MAGI2: variants seen among roughly 807,000 people sequenced by gnomAD.
The protein encoded by MAGI2 is membrane-associated guanylate kinase, WW and PDZ domain-containing protein 2.
A neutral mutation model predicts 133.3 loss-of-function variants in MAGI2; 35 were observed. The observed-to-expected ratio is 0.26, with a 90% CI of 0.20 to 0.35. The LOEUF is 0.35. Among genes scored for constraint, MAGI2 ranks in the 10% least tolerant of loss-of-function variants. The pLI is 1.00. For synonymous variants in MAGI2, 729 were observed against 710.6 expected (o/e 1.03, Z -0.41); for missense variants, 1,636 against 1,863.4 (o/e 0.88, Z 2.25).
rs192301785 is a variant in MAGI2, at chr7:78,017,358, T to C, written c.*1957A>G. 6.5e-6 allele frequency: 1 copy of C among 152,806 alleles called. No homozygotes were observed. The highest frequency in any genetic ancestry group is 1.5e-5 in the Non-Finnish European group (1 of 68,038). 9.5% of individuals were successfully genotyped at this position (152,806 alleles called of 1,614,324 possible). A position where few individuals can be genotyped will look rare whatever the true frequency, so the allele number is the denominator to read the frequency against. On this transcript the variant is annotated 3_prime_UTR_variant, in exon 22 of 22. Coordinates refer to ENST00000354212, the MANE Select transcript of MAGI2 (RefSeq NM_012301.4). ...CCGCATAAAGCAATTACTGCACAAG[T>C]AGTAGCTGTGAACTGTGCAAACTAG...
intron 1 of MAGI2, among the ~76,000 whole-genome samples, chr7:79,135,165 G>A (rs554558096): frequency 1.3e-5 from 2 of 152,216 alleles, no homozygotes; most frequent in East Asian, 3.9e-4. Flanking sequence ...GAAGGGAACA[G>A]GACTAAGAAT....
At chr7:79,273,401 T>G (rs531291837) in intron 1 of MAGI2, among the ~76,000 whole-genome samples, 2 of 152,132 alleles carry the variant, frequency 1.3e-5, no homozygotes, top group South Asian at 2.1e-4. Context: ...CCCAGAGACA[T>G]GTTTGTTCTT....
At chr7:78,573,035 GTATATATA>G (rs765938732) in intron 3 of MAGI2, among the ~76,000 whole-genome samples, 1,321 of 31,600 alleles carry the variant, frequency 0.042, 40 homozygotes, top group African/African-American at 0.058. Context: ...GCATATGTAT[GTATATATA>G]TATATATATA....
At chr7:78,292,514 TAA>T (rs1312969253) in intron 9 of MAGI2, among the ~76,000 whole-genome samples, 1 of 152,142 alleles carries the variant, frequency 6.6e-6, no homozygotes, top group African/African-American at 2.4e-5. Context: ...CTGCCCAAGG[TAA>T]CTTATAGATT....
intron 1 of MAGI2, among the ~76,000 whole-genome samples, chr7:79,091,521 C>T (rs1214127112): frequency 6.6e-6 from 1 of 152,066 alleles, no homozygotes; most frequent in African/African-American, 2.4e-5. Flanking sequence ...GTTGTGATAA[C>T]AGGAATTAGC....
At chr7:79,347,648 A>G (rs541254951) in intron 1 of MAGI2, among the ~76,000 whole-genome samples, 1 of 152,044 alleles carries the variant, frequency 6.6e-6, no homozygotes, top group Admixed American at 6.6e-5. Flanking sequence ...GCCATGTGGA[A>G]GAGCTGTTTT....
At chr7:79,040,555 C>T (rs142710067) in intron 1 of MAGI2, among the ~76,000 whole-genome samples, 242 of 152,192 alleles carry the variant, frequency 1.6e-3, no homozygotes, top group Non-Finnish European at 2.4e-3. Context: ...TAGTTTGGTT[C>T]TGTGTACCTA....
chr7:78,844,080 T>C (rs1439336562), intron 2 of MAGI2, among the ~76,000 whole-genome samples: 1 of 150,546 alleles, frequency 6.6e-6, no homozygotes, highest in African/African-American at 2.4e-5. Flanking sequence ...GCCTCTAATT[T>C]CAGAATTTTT....
At chr7:79,286,948 C>CA (rs1295168333) in intron 1 of MAGI2, among the ~76,000 whole-genome samples, 1 of 152,048 alleles carries the variant, frequency 6.6e-6, no homozygotes, top group Non-Finnish European at 1.5e-5. Context: ...ATCCATCATC[C>CA]AAATAACAGG....
intron 1 of MAGI2, among the ~76,000 whole-genome samples, chr7:79,173,151 T>G (rs951048474): frequency 2.0e-4 from 30 of 151,850 alleles, no homozygotes; most frequent in African/African-American, 7.0e-4. Flanking sequence ...TAGAAAACAT[T>G]TTATTCATAA....
At position 78,414,265 on chromosome 7, in the gene MAGI2, G is replaced by A. The variant is rs75187441; in HGVS notation, c.1046-45052C>T. Among the ~76,000 whole-genome samples the A allele has an allele frequency of 4.8e-3, 729 of 151,854 alleles. 4 individuals carry two copies. The highest frequency in any genetic ancestry group is 0.017 in the African/African-American group (703 of 41,470). On this transcript the variant is annotated intron_variant, in intron 6 of 21. Transcript: ENST00000354212. ...CATTGCACGAAATATTTAGTGGCATGGGGAAAAGAATAAGGTATAATATAG... is the reference window on the plus strand; with the variant it reads ...CATTGCACGAAATATTTAGTGGCATAGGGAAAAGAATAAGGTATAATATAG...
intron 1 of MAGI2, among the ~76,000 whole-genome samples, chr7:79,194,431 G>C (rs908916082): frequency 2.6e-5 from 4 of 151,880 alleles, no homozygotes; most frequent in African/African-American, 9.7e-5. Flanking sequence ...TTTTAGAACA[G>C]AGATGGCCAT....
chr7:78,897,728 G>C (rs920137052), intron 2 of MAGI2, among the ~76,000 whole-genome samples: 1 of 152,098 alleles, frequency 6.6e-6, no homozygotes, highest in African/African-American at 2.4e-5. Context: ...GTGCAGTATG[G>C]CTATTTTAAC....
At chr7:78,657,174 CAACAA>C (rs1396731857) in intron 2 of MAGI2, among the ~76,000 whole-genome samples, 6 of 152,110 alleles carry the variant, frequency 3.9e-5, no homozygotes, top group Non-Finnish European at 8.8e-5. Flanking sequence ...AGAACACAGA[CAACAA>C]ATGCTGCAAG....
At chr7:79,320,706 C>T (rs1021907706) in intron 1 of MAGI2, among the ~76,000 whole-genome samples, 4 of 151,958 alleles carry the variant, frequency 2.6e-5, no homozygotes, top group African/African-American at 2.4e-5. Flanking sequence ...GGATCTATTG[C>T]TTTATTTATT....
At chr7:78,712,339 A>G (rs896743872) in intron 2 of MAGI2, among the ~76,000 whole-genome samples, 2 of 152,214 alleles carry the variant, frequency 1.3e-5, no homozygotes, top group Non-Finnish European at 2.9e-5. Flanking sequence ...GGGTGTCTTC[A>G]GAAGCTATTT....
intron 2 of MAGI2, among the ~76,000 whole-genome samples, chr7:78,843,910 G>C (rs533338533): frequency 6.7e-6 from 1 of 149,994 alleles, no homozygotes; most frequent in Admixed American, 6.7e-5. Flanking sequence ...TTTTGAGGCA[G>C]CTTTCCTTAC....
intron 17 of MAGI2, 120 bp from the exon 18 acceptor site, chr7:78,133,180 T>C: frequency 1.3e-6 from 1 of 751,318 alleles, no homozygotes; most frequent in East Asian, 2.7e-5. Context: ...TTTCCGTTTC[T>C]GCTAGGTTTT....
chr7:78,571,048 T>C (rs555697295), intron 3 of MAGI2, among the ~76,000 whole-genome samples: 2 of 152,300 alleles, frequency 1.3e-5, no homozygotes, highest in South Asian at 2.1e-4. Flanking sequence ...TATTCATCTA[T>C]AGGCTGGCTT....
Sources: gnomAD v4.1 joint callset for allele counts (sites outside exome capture counted in the v4.1 genomes callset) on GRCh38, gnomAD v4.1.1 for gene constraint, MANE v1.5 for transcripts, NCBI Gene and HGNC (gene_info 2026-07-23, HGNC 2026-07-21) for gene names.